Variants in RTN4IP1 observed in about 807,000 individuals in gnomAD.
The protein encoded by RTN4IP1 is reticulon 4 interacting protein 1.
A neutral mutation model predicts 46.6 loss-of-function variants in RTN4IP1; 32 were observed. The observed-to-expected ratio is 0.69, with a 90% CI of 0.52 to 0.92. The LOEUF is 0.92. Ranked by LOEUF, RTN4IP1 falls within the 40% of genes least tolerant of loss-of-function variation. The probability of loss-of-function intolerance (pLI) is 0.00; values close to 1 mark genes in which losing one functional copy is unlikely to be tolerated. For synonymous variants in RTN4IP1, 167 were observed against 161.8 expected, an observed-to-expected ratio of 1.03 and a Z score of -0.24; for missense variants, 424 against 485.8, an observed-to-expected ratio of 0.87 and a Z score of 1.20.
intron 5 of RTN4IP1, among the ~76,000 whole-genome samples, chr6:106,597,416 C>T (rs1040927262): frequency 6.6e-6 from 1 of 152,182 alleles, no homozygotes; most frequent in African/African-American, 2.4e-5. Flanking sequence ...GTGATCACAG[C>T]TCACTGCAGC....
intron 4 of RTN4IP1, among the ~76,000 whole-genome samples, chr6:106,611,363 T>A (rs1776220114): frequency 6.6e-6 from 1 of 152,204 alleles, no homozygotes; most frequent in African/African-American, 2.4e-5. Context: ...CCTTCAAAAT[T>A]GCCCCAGATT....
intron 2 of RTN4IP1, among the ~76,000 whole-genome samples, chr6:106,622,028 C>T (rs1232310331): frequency 6.6e-6 from 1 of 151,790 alleles, no homozygotes; most frequent in African/African-American, 2.4e-5. Flanking sequence ...CATTTAAAGG[C>T]CCTTTCAAGG....
intron 4 of RTN4IP1, among the ~76,000 whole-genome samples, chr6:106,615,646 A>C (rs1776332881): frequency 6.6e-6 from 1 of 151,804 alleles, no homozygotes. Context: ...AACACCTTTT[A>C]ATACTTCTGT....
In RTN4IP1 at chr6:106,592,309, CA is replaced by C. The variant is rs773428455; in HGVS notation, c.670-10del. The stretch of plus-strand genomic sequence containing the variant: ...TCCCATGCTTTCATTACCTGCCCCC[CA>C]CCAAAAAGAAAAAAAGAATAAAAAA... On this transcript the variant is annotated splice_polypyrimidine_tract_variant and intron_variant, in intron 5 of 8. Coordinates refer to ENST00000369063, the MANE Select transcript of RTN4IP1 (RefSeq NM_032730.5). 1.3e-6 allele frequency: 2 copies of C among 1,599,538 alleles called. No homozygotes were observed. The highest frequency in any genetic ancestry group is 4.5e-5 in the East Asian group (2 of 44,766).
chr6:106,595,500 CTT>C (rs35264522), intron 5 of RTN4IP1, among the ~76,000 whole-genome samples: 4,708 of 125,882 alleles, frequency 0.037, 197 homozygotes, highest in East Asian at 0.2. Context: ...TACTTTCTTT[CTT>C]TTTTTTTTTT....
intron 8 of RTN4IP1, among the ~76,000 whole-genome samples, chr6:106,577,261 C>T (rs1775251678): frequency 6.6e-6 from 1 of 151,790 alleles, no homozygotes; most frequent in Non-Finnish European, 1.5e-5. Flanking sequence ...ATGGCAAAAC[C>T]TTGTCTCTAC....
At chr6:106,592,396 T>TA in intron 5 of RTN4IP1, 96 bp from the exon 6 acceptor site, 1 of 1,252,820 alleles carries the variant, frequency 8.0e-7, no homozygotes, top group African/African-American at 1.5e-5. Flanking sequence ...TGTATACATA[T>TA]ATCAGACTAA....
intron 8 of RTN4IP1, among the ~76,000 whole-genome samples, chr6:106,575,491 C>CG (rs1775204777): frequency 6.6e-6 from 1 of 152,002 alleles, no homozygotes; most frequent in African/African-American, 2.4e-5. Context: ...GCTTACAAGA[C>CG]GCTAGGCAAG....
At chr6:106,615,156 T>A (rs1448105114) in intron 4 of RTN4IP1, among the ~76,000 whole-genome samples, 1 of 151,890 alleles carries the variant, frequency 6.6e-6, no homozygotes, top group African/African-American at 2.4e-5. Context: ...CAGGTGCAAA[T>A]GAAAACTTAA....
At position 106,629,276 on chromosome 6, in the gene RTN4IP1, C is replaced by A; in HGVS notation, c.-255G>T. 1.8e-6 allele frequency: 1 copy of A among 552,704 alleles called. No homozygotes were observed. Among genetic ancestry groups the A allele is most frequent in the Non-Finnish European group, 3.2e-6 (1 of 313,240 alleles). 34.2% of individuals were successfully genotyped at this position (552,704 alleles called of 1,614,324 possible). A position where few individuals can be genotyped will look rare whatever the true frequency, so the allele number is the denominator to read the frequency against. ...GTATTCTGTCCATTCTCCTCCCTCA[C>A]TTTCACCCCCTCCACTTTAAAAAAA... On this transcript the variant is annotated 5_prime_UTR_variant, in exon 1 of 9. Coordinates refer to ENST00000369063, the MANE Select transcript of RTN4IP1 (RefSeq NM_032730.5).
Position 106,629,464 on chromosome 6 carries a change from C to CT in RTN4IP1, c.-444dup. The CT allele has an allele frequency of 1.6e-6, 1 of 640,084 alleles. No individual in the cohort carries two copies. The highest frequency in any genetic ancestry group is 2.7e-6 in the Non-Finnish European group (1 of 376,908). The allele number at this position is 640,084 out of a possible 1,614,324, so 39.7% of individuals were successfully genotyped here. A position where few individuals can be genotyped will look rare whatever the true frequency, so the allele number is the denominator to read the frequency against. On this transcript the variant is annotated 5_prime_UTR_variant, in exon 1 of 9. Coordinates refer to ENST00000369063, the MANE Select transcript of RTN4IP1 (RefSeq NM_032730.5). The stretch of plus-strand genomic sequence containing the variant: ...CGACCCTGGCCCGGAATCTCCTTGC[C>CT]TGCCCGCTCTCCTTAGCCGCCGGGA...
chr6:106,571,721 G>T lies in RTN4IP1; in HGVS notation c.*275C>A. On this transcript the variant is annotated 3_prime_UTR_variant, in exon 9 of 9. Coordinates refer to ENST00000369063, the MANE Select transcript of RTN4IP1 (RefSeq NM_032730.5). ...CAAAAAAGACAATAAAGTAGTTTAAGCTAGTAAAACAGAAGGTGCCACAAC... is the reference window on the plus strand; with the variant it reads ...CAAAAAAGACAATAAAGTAGTTTAATCTAGTAAAACAGAAGGTGCCACAAC... The T allele has an allele frequency of 2.8e-6, 1 of 357,960 alleles. No homozygotes were observed. Among genetic ancestry groups the T allele is most frequent in the Non-Finnish European group, 5.2e-6 (1 of 193,610 alleles). The allele number at this position is 357,960 out of a possible 1,614,324, so 22.2% of individuals were successfully genotyped here.
chr6:106,579,952 C>G (rs1303757344), intron 8 of RTN4IP1, among the ~76,000 whole-genome samples: 1 of 151,720 alleles, frequency 6.6e-6, no homozygotes, highest in East Asian at 2.0e-4. Flanking sequence ...CAGTGGCTCA[C>G]GCCTGTAATC....
chr6:106,586,435 C>T (rs941721893), intron 7 of RTN4IP1, among the ~76,000 whole-genome samples: 17 of 151,982 alleles, frequency 1.1e-4, no homozygotes, highest in African/African-American at 4.1e-4. Flanking sequence ...AGTACAGTGG[C>T]ACGATCATGG....
chr6:106,610,631 T>C (rs1243459944), intron 4 of RTN4IP1, among the ~76,000 whole-genome samples: 1 of 152,202 alleles, frequency 6.6e-6, no homozygotes, highest in Non-Finnish European at 1.5e-5. Flanking sequence ...GTGTGCTGTA[T>C]TTGTTGGTTT....
intron 8 of RTN4IP1, among the ~76,000 whole-genome samples, chr6:106,574,667 C>T (rs1012132037): frequency 6.6e-6 from 1 of 152,152 alleles, no homozygotes; most frequent in African/African-American, 2.4e-5. Flanking sequence ...TCTGTATGCA[C>T]CCTAAAGTGG....
intron 8 of RTN4IP1, 89 bp from the exon 9 acceptor site, chr6:106,572,192 C>T (rs569498752): frequency 9.6e-7 from 1 of 1,039,824 alleles, no homozygotes; most frequent in South Asian, 1.3e-5. Flanking sequence ...TGACGGTGTC[C>T]CTCAAGCCAC....
intron 6 of RTN4IP1, among the ~76,000 whole-genome samples, chr6:106,590,578 G>C (rs530320757): frequency 1.6e-4 from 24 of 151,970 alleles, no homozygotes; most frequent in African/African-American, 5.3e-4. Context: ...AGCCAGGCGT[G>C]GTGGCGCACA....
chr6:106,592,462 C>T (rs553927937), intron 5 of RTN4IP1, among the ~76,000 whole-genome samples, 162 bp from the exon 6 acceptor site: 61 of 152,256 alleles, frequency 4.0e-4, no homozygotes, highest in Admixed American at 1.4e-3. Flanking sequence ...AGCCATCTGT[C>T]AGAGACTAGT....
Sources: gnomAD v4.1 joint callset for allele counts (sites outside exome capture counted in the v4.1 genomes callset) on GRCh38, gnomAD v4.1.1 for gene constraint, MANE v1.5 for transcripts, NCBI Gene and HGNC (gene_info 2026-07-23, HGNC 2026-07-21) for gene names.